Variants in TTC28 observed in about 807,000 individuals in gnomAD.
TTC28 encodes the protein tetratricopeptide repeat domain 28.
Under a neutral mutation model 198.0 loss-of-function variants are expected in TTC28, and 61 were observed. The ratio of observed to expected loss-of-function variants is 0.31; its 90% CI spans 0.25 to 0.38. TTC28 has a LOEUF of 0.38. Among genes scored for constraint, TTC28 ranks in the 10% least tolerant of loss-of-function variants. The probability of loss-of-function intolerance (pLI) is 1.00; values close to 1 mark genes in which losing one functional copy is unlikely to be tolerated. For missense variants in TTC28, 2,678 were observed against 3,164.0 expected, an observed-to-expected ratio of 0.85 and a Z score of 3.69; for synonymous variants, 1,171 against 1,297.8, an observed-to-expected ratio of 0.90 and a Z score of 2.10.
intron 5 of TTC28, among the ~76,000 whole-genome samples, chr22:28,222,636 A>G (rs1026947189): frequency 6.6e-5 from 10 of 152,220 alleles, no homozygotes; most frequent in Admixed American, 2.6e-4. Flanking sequence ...AATGTTCAGA[A>G]GCTATCCACC....
chr22:28,567,479 C>CATATATATATATAT (rs398040471), intron 2 of TTC28, among the ~76,000 whole-genome samples: 8,998 of 50,596 alleles, frequency 0.18, 1,669 homozygotes, highest in Non-Finnish European at 0.21. Flanking sequence ...TACATACATA[C>CATATATATATATAT]ATATATATAT....
At chr22:28,066,855 T>C (rs928627057) in intron 12 of TTC28, among the ~76,000 whole-genome samples, 6 of 152,132 alleles carry the variant, frequency 3.9e-5, no homozygotes, top group Admixed American at 3.3e-4. Context: ...GTGTGCTTGA[T>C]ATTCTTCCCT....
chr22:28,452,020 G>C (rs2047785549), intron 2 of TTC28, among the ~76,000 whole-genome samples: 2 of 152,116 alleles, frequency 1.3e-5, no homozygotes, highest in South Asian at 4.1e-4. Context: ...GTGTATGTGT[G>C]TGTGTGTTTT....
At chr22:28,196,973 T>G (rs1277624513) in intron 5 of TTC28, among the ~76,000 whole-genome samples, 1 of 152,062 alleles carries the variant, frequency 6.6e-6, no homozygotes, top group East Asian at 1.9e-4. Context: ...CATGCACACA[T>G]ATGTTTATTG....
chr22:28,514,749 T>C (rs1453181887), intron 2 of TTC28, among the ~76,000 whole-genome samples: 1 of 152,212 alleles, frequency 6.6e-6, no homozygotes, highest in Non-Finnish European at 1.5e-5. Flanking sequence ...TTCAGTGACA[T>C]CACTTACCAC....
chr22:28,445,854 A>C (rs1257300294), intron 2 of TTC28, among the ~76,000 whole-genome samples: 1 of 151,012 alleles, frequency 6.6e-6, no homozygotes, highest in Non-Finnish European at 1.5e-5. Context: ...GATGACATAC[A>C]TATCTATACA....
At position 28,499,375 on chromosome 22, in the gene TTC28, A is replaced by C. The variant is rs906142844; in HGVS notation, c.381+130177T>G. Among the ~76,000 whole-genome samples, 3 of 152,190 alleles carry C rather than the reference A, an allele frequency of 2.0e-5. No homozygotes were observed. The South Asian group carries it at 6.2e-4, about 32-fold the overall frequency. ...CTATGAAAAAGTAAGAATTATCAGAAAACTATGTAATTTTCACATCCTTCA... is the reference window on the plus strand; with the variant it reads ...CTATGAAAAAGTAAGAATTATCAGACAACTATGTAATTTTCACATCCTTCA... On this transcript the variant is annotated intron_variant, in intron 2 of 22. Transcript: ENST00000397906.
At chr22:28,402,337 A>G (rs2046926628) in intron 2 of TTC28, among the ~76,000 whole-genome samples, 1 of 152,224 alleles carries the variant, frequency 6.6e-6, no homozygotes, top group Non-Finnish European at 1.5e-5. Flanking sequence ...CTGTTATTTT[A>G]TAAAGCATAG....
At chr22:28,217,106 T>C (rs1009254209) in intron 5 of TTC28, among the ~76,000 whole-genome samples, 2 of 152,138 alleles carry the variant, frequency 1.3e-5, no homozygotes, top group African/African-American at 4.8e-5. Context: ...GGCAAGAGAT[T>C]TGCTGCAACA....
chr22:28,154,591 T>C (rs113098132), intron 6 of TTC28, among the ~76,000 whole-genome samples: 3 of 152,046 alleles, frequency 2.0e-5, no homozygotes, highest in African/African-American at 7.2e-5. Flanking sequence ...CTCCTGACCT[T>C]GTGATCCGCC....
chr22:28,360,906 G>A (rs572078377), intron 2 of TTC28, among the ~76,000 whole-genome samples: 1 of 152,018 alleles, frequency 6.6e-6, no homozygotes, highest in Admixed American at 6.6e-5. Flanking sequence ...ATCTGTTATG[G>A]TGAACTACGA....
chr22:27,994,271 C>T (rs1937510875), intron 17 of TTC28, among the ~76,000 whole-genome samples: 1 of 152,136 alleles, frequency 6.6e-6, no homozygotes, highest in South Asian at 2.1e-4. Context: ...TAGCGAGACC[C>T]CAGCTCTACA....
At chr22:28,309,016 G>A (rs544487376) in intron 2 of TTC28, among the ~76,000 whole-genome samples, 2 of 152,242 alleles carry the variant, frequency 1.3e-5, no homozygotes, top group South Asian at 4.2e-4. Flanking sequence ...GAATAAAAAT[G>A]AGTTCTTTAT....
chr22:28,369,489 C>T (rs767320845), intron 2 of TTC28, among the ~76,000 whole-genome samples: 1 of 152,154 alleles, frequency 6.6e-6, no homozygotes, highest in Non-Finnish European at 1.5e-5. Context: ...AGTAACAGGT[C>T]ATTCAAAATA....
chr22:28,660,907 GA>G lies in TTC28; in HGVS notation c.102+18714del, dbSNP rs199918934. On this transcript the variant is annotated intron_variant, in intron 1 of 22. Coordinates refer to ENST00000397906, the MANE Select transcript of TTC28 (RefSeq NM_001145418.2). The stretch of plus-strand genomic sequence containing the variant: ...TCCTGACCTCATGATCTGAGAAAAG[GA>G]AAAAAAAAATTTTAAATATATAATT... Among the ~76,000 whole-genome samples the G allele has an allele frequency of 2.1e-4, 31 of 149,776 alleles. No homozygotes were observed. The Middle Eastern group carries it at 0.01, about 50-fold the overall frequency.
intron 5 of TTC28, among the ~76,000 whole-genome samples, chr22:28,207,490 C>T (rs1223564383): frequency 6.6e-6 from 1 of 152,096 alleles, no homozygotes; most frequent in Admixed American, 6.5e-5. Flanking sequence ...AGACAAGTTA[C>T]TAATCCTTCC....
At chr22:28,019,269 T>TA (rs1230673694) in intron 13 of TTC28, among the ~76,000 whole-genome samples, 2 of 152,210 alleles carry the variant, frequency 1.3e-5, no homozygotes, top group Non-Finnish European at 2.9e-5. Context: ...ATTTTTTTTT[T>TA]ACTGATGATC....
At chr22:28,405,678 T>C (rs1048364500) in intron 2 of TTC28, among the ~76,000 whole-genome samples, 1 of 152,268 alleles carries the variant, frequency 6.6e-6, no homozygotes, top group South Asian at 2.1e-4. Context: ...GTACTATGTC[T>C]CTCTGAGGTA....
chr22:28,451,322 T>G (rs1199180320), intron 2 of TTC28, among the ~76,000 whole-genome samples: 1 of 152,222 alleles, frequency 6.6e-6, no homozygotes, highest in African/African-American at 2.4e-5. Context: ...AAGTGTACTC[T>G]TAACTCACTC....
Sources: gnomAD v4.1 joint callset for allele counts (sites outside exome capture counted in the v4.1 genomes callset) on GRCh38, gnomAD v4.1.1 for gene constraint, MANE v1.5 for transcripts, NCBI Gene and HGNC (gene_info 2026-07-23, HGNC 2026-07-21) for gene names.